IL1RAPL1: variants seen among roughly 807,000 people sequenced by gnomAD.
IL1RAPL1 encodes the protein interleukin 1 receptor accessory protein like 1.
Under a neutral mutation model 48.4 loss-of-function variants are expected in IL1RAPL1, and 3 were observed. That is an observed-to-expected ratio of 0.06 (90% confidence interval 0.03 to 0.16). The LOEUF (loss-of-function observed/expected upper bound fraction) is 0.16. Ranked by LOEUF, IL1RAPL1 falls within the 10% of genes least tolerant of loss-of-function variation. The probability of loss-of-function intolerance (pLI) is 1.00; values close to 1 mark genes in which losing one functional copy is unlikely to be tolerated. For synonymous variants in IL1RAPL1, 185 were observed against 187.7 expected (o/e 0.99, Z 0.12); for missense variants, 349 against 530.6 (o/e 0.66, Z 3.36).
At chrX:29,302,835 A>T (rs1039181966) in intron 3 of IL1RAPL1, among the ~76,000 whole-genome samples, 11 of 111,932 alleles carry the variant, frequency 9.8e-5, no homozygotes, top group African/African-American at 3.2e-4. Context: ...AGGAAACATC[A>T]CTAGAGGAAT....
intron 5 of IL1RAPL1, among the ~76,000 whole-genome samples, chrX:29,456,906 G>T (rs1396174286): frequency 1.8e-5 from 2 of 111,405 alleles, no homozygotes; most frequent in Non-Finnish European, 3.8e-5. Context: ...GCCCAGGTGA[G>T]AGGATAGCTT....
chrX:29,137,468 A>G (rs915388447), intron 2 of IL1RAPL1, among the ~76,000 whole-genome samples: 6 of 112,082 alleles, frequency 5.4e-5, no homozygotes, highest in African/African-American at 1.9e-4. Context: ...AAATTACAAA[A>G]GCACTTCATA....
intron 5 of IL1RAPL1, among the ~76,000 whole-genome samples, chrX:29,562,962 A>G (rs1375058326): frequency 8.9e-6 from 1 of 111,989 alleles, no homozygotes; most frequent in Non-Finnish European, 1.9e-5. Context: ...CTTTCTGGCT[A>G]TGCACCATAT....
intron 1 of IL1RAPL1, among the ~76,000 whole-genome samples, chrX:28,700,023 C>T (rs183655643): frequency 1.7e-4 from 19 of 110,894 alleles, no homozygotes; most frequent in Non-Finnish European, 3.2e-4. Flanking sequence ...GGCTATAATA[C>T]CCCACAGAGA....
At position 28,711,696 on chromosome X, in the gene IL1RAPL1, A is replaced by C. The variant is rs1193376242; in HGVS notation, c.-24-77624A>C. ...GAGAATTTCAAGGGCCTGGCCAAGAAGGGGAACTTTTAATATATAACTGTA... is the reference window on the plus strand; with the variant it reads ...GAGAATTTCAAGGGCCTGGCCAAGACGGGGAACTTTTAATATATAACTGTA... On this transcript the variant is annotated intron_variant, in intron 1 of 10. Coordinates refer to ENST00000378993, the MANE Select transcript of IL1RAPL1 (RefSeq NM_014271.4). Among the ~76,000 whole-genome samples the C allele has an allele frequency of 2.8e-5, 3 of 107,969 alleles. No homozygotes were observed. In the Admixed American group the frequency reaches 3.0e-4, roughly 11 times the overall value. 93.8% of individuals were successfully genotyped at this position (107,969 alleles called of 115,157 possible). A position where few individuals can be genotyped will look rare whatever the true frequency, so the allele number is the denominator to read the frequency against.
intron 6 of IL1RAPL1, among the ~76,000 whole-genome samples, chrX:29,780,269 A>G (rs989859853): frequency 8.9e-6 from 1 of 112,366 alleles, no homozygotes; most frequent in Admixed American, 9.4e-5. Context: ...GGTGTAAAAC[A>G]AAATTAAAAA....
At chrX:29,950,770 G>A (rs1011152422) in intron 9 of IL1RAPL1, among the ~76,000 whole-genome samples, 10 of 106,703 alleles carry the variant, frequency 9.4e-5, no homozygotes, top group Middle Eastern at 4.9e-3. Flanking sequence ...TCCGCCTCCC[G>A]GGTTCACGCC....
chrX:28,797,241 G>A (rs1936623802), intron 2 of IL1RAPL1, among the ~76,000 whole-genome samples: 1 of 111,463 alleles, frequency 9.0e-6, no homozygotes, highest in Non-Finnish European at 1.9e-5. Flanking sequence ...ATACCCTGGA[G>A]ACATTTTCCC....
At chrX:29,383,550 T>A (rs1933738070) in intron 3 of IL1RAPL1, among the ~76,000 whole-genome samples, 2 of 112,350 alleles carry the variant, frequency 1.8e-5, no homozygotes, top group Admixed American at 1.9e-4. Context: ...TGAGCATGTT[T>A]ATGTTTATAA....
chrX:28,660,892 G>T (rs1360580641), intron 1 of IL1RAPL1, among the ~76,000 whole-genome samples: 1 of 111,866 alleles, frequency 8.9e-6, no homozygotes, highest in Non-Finnish European at 1.9e-5. Flanking sequence ...AGAGGAGGTT[G>T]GGGAGAAAGC....
intron 5 of IL1RAPL1, among the ~76,000 whole-genome samples, chrX:29,595,847 T>G (rs1923530198): frequency 8.9e-6 from 1 of 111,855 alleles, no homozygotes; most frequent in Non-Finnish European, 1.9e-5. Flanking sequence ...CAACGTTATC[T>G]TCTAGAATCT....
intron 3 of IL1RAPL1, among the ~76,000 whole-genome samples, chrX:29,298,131 C>A (rs1256463099): frequency 2.7e-5 from 3 of 112,130 alleles, no homozygotes; most frequent in African/African-American, 9.7e-5. Flanking sequence ...TTAATTTATT[C>A]TTTTAGATTA....
chrX:29,266,588 TTA>T (rs1468187422), intron 2 of IL1RAPL1, among the ~76,000 whole-genome samples: 4 of 111,844 alleles, frequency 3.6e-5, no homozygotes, highest in African/African-American at 1.3e-4. Context: ...TTCAGTATCA[TTA>T]TATACTTGGA....
chrX:29,137,531 G>A (rs2147489130), intron 2 of IL1RAPL1, among the ~76,000 whole-genome samples: 1 of 111,773 alleles, frequency 8.9e-6, no homozygotes, highest in Admixed American at 9.5e-5. Flanking sequence ...TACAATAGCT[G>A]AATTAAGTTG....
At chrX:28,722,942 T>C (rs1184053830) in intron 1 of IL1RAPL1, among the ~76,000 whole-genome samples, 1 of 111,368 alleles carries the variant, frequency 9.0e-6, no homozygotes, top group Non-Finnish European at 1.9e-5. Flanking sequence ...AGGGATGAAG[T>C]CCACTTGATC....
At chrX:28,638,166 G>T (rs1179785461) in intron 1 of IL1RAPL1, among the ~76,000 whole-genome samples, 1 of 111,550 alleles carries the variant, frequency 9.0e-6, no homozygotes, top group Non-Finnish European at 1.9e-5. Context: ...AGATTTAGAA[G>T]AATTTTTTAC....
At position 29,648,142 on chromosome X, in the gene IL1RAPL1, A is replaced by G. The variant is rs141993232; in HGVS notation, c.704-20288A>G. Among the ~76,000 whole-genome samples, 117 of 112,108 alleles carry G rather than the reference A, an allele frequency of 1.0e-3. No individual in the cohort carries two copies. In the South Asian group the frequency reaches 0.016, roughly 15 times the overall value. ...GTACATCACATTGGAGCACCTAAATATACAAAGAAAATAGTAATAGATCTG... is the reference window on the plus strand; with the variant it reads ...GTACATCACATTGGAGCACCTAAATGTACAAAGAAAATAGTAATAGATCTG... On this transcript the variant is annotated intron_variant, in intron 5 of 10. Transcript: ENST00000378993.
chrX:29,151,289 C>A (rs1020912586), intron 2 of IL1RAPL1, among the ~76,000 whole-genome samples: 9 of 112,202 alleles, frequency 8.0e-5, no homozygotes, highest in African/African-American at 2.9e-4. Flanking sequence ...ACTTGTCATC[C>A]CATGTAAAAT....
intron 3 of IL1RAPL1, among the ~76,000 whole-genome samples, chrX:29,379,111 G>A (rs1041314648): frequency 4.4e-5 from 5 of 112,409 alleles, no homozygotes; most frequent in Admixed American, 2.8e-4. Flanking sequence ...GGACTGGCTC[G>A]CAGCTCTATC....
Sources: allele counts gnomAD v4.1 joint callset (sites outside exome capture counted in the v4.1 genomes callset), GRCh38; gene constraint gnomAD v4.1.1; transcripts MANE v1.5; gene names NCBI Gene and HGNC (gene_info 2026-07-23, HGNC 2026-07-21).